The following SLC24A2 variants were observed in gnomAD, a reference collection of about 807,000 sequenced individuals.
The protein encoded by SLC24A2 is sodium/potassium/calcium exchanger 2.
Under a neutral mutation model 62.0 loss-of-function variants are expected in SLC24A2, and 36 were observed. That is an observed-to-expected ratio of 0.58 (90% CI 0.44 to 0.77). The LOEUF is 0.77. Ranked by LOEUF, SLC24A2 falls within the 30% of genes least tolerant of loss-of-function variation. The pLI, the probability that SLC24A2 is intolerant of heterozygous loss-of-function variation, is 0.00. For synonymous variants in SLC24A2, 358 were observed against 294.0 expected (o/e 1.22, Z -2.23); for missense variants, 846 against 817.9 (o/e 1.03, Z -0.42).
At chr9:20,256,934 AC>A in the SLC24A2 span, among the ~76,000 whole-genome samples, 1 of 151,996 alleles carries the variant, frequency 6.6e-6, no homozygotes, top group Non-Finnish European at 1.5e-5. Flanking sequence ...ACACACACAC[AC>A]ACACACACAC....
At chr9:19,557,776 C>T (rs1835169819) in intron 7 of SLC24A2, among the ~76,000 whole-genome samples, 1 of 151,038 alleles carries the variant, frequency 6.6e-6, no homozygotes, top group Admixed American at 6.6e-5. Context: ...TTTCTTGAGC[C>T]TAAAACTAAT....
the SLC24A2 span, among the ~76,000 whole-genome samples, chr9:19,831,682 A>G: frequency 4.5e-4 from 69 of 152,340 alleles, no homozygotes; most frequent in Admixed American, 1.4e-3. Flanking sequence ...TCAGTGATTC[A>G]GAGACAAAGA....
At chr9:19,722,418 CAAAT>C (rs1181768411) in intron 2 of SLC24A2, among the ~76,000 whole-genome samples, 1 of 151,928 alleles carries the variant, frequency 6.6e-6, no homozygotes, top group Non-Finnish European at 1.5e-5. Context: ...TATATAATAA[CAAAT>C]AAAAATCCTG....
At chr9:19,671,659 T>G (rs923014685) in intron 2 of SLC24A2, among the ~76,000 whole-genome samples, 1 of 152,186 alleles carries the variant, frequency 6.6e-6, no homozygotes, top group South Asian at 2.1e-4. Context: ...GCTTTCAACT[T>G]TTCCTCTTTC....
the SLC24A2 span, among the ~76,000 whole-genome samples, chr9:20,192,266 G>A: frequency 6.6e-6 from 1 of 152,144 alleles, no homozygotes; most frequent in Non-Finnish European, 1.5e-5. Context: ...GATGAAGTGG[G>A]TGAGAAGGCC....
the SLC24A2 span, among the ~76,000 whole-genome samples, chr9:20,181,471 A>G: frequency 6.6e-6 from 1 of 152,200 alleles, no homozygotes; most frequent in African/African-American, 2.4e-5. Flanking sequence ...GAGGCCTCAT[A>G]AATAACACCA....
At chr9:19,986,703 T>C in the SLC24A2 span, among the ~76,000 whole-genome samples, 3 of 152,250 alleles carry the variant, frequency 2.0e-5, no homozygotes, top group African/African-American at 4.8e-5. Context: ...AGATTACATA[T>C]TGTATGATTC....
At chr9:19,566,207 ATCTAC>A (rs1243543901) in intron 7 of SLC24A2, among the ~76,000 whole-genome samples, 2 of 150,882 alleles carry the variant, frequency 1.3e-5, no homozygotes, top group African/African-American at 4.8e-5. Flanking sequence ...AATTTTTGCA[ATCTAC>A]TCATCTGACA....
chr9:19,561,436 C>CTTTTTT (rs10641024), intron 7 of SLC24A2, among the ~76,000 whole-genome samples: 18 of 138,196 alleles, frequency 1.3e-4, no homozygotes, highest in Middle Eastern at 4.0e-3. Flanking sequence ...GGAAAACAGA[C>CTTTTTT]TTTTTTTTTT....
At chr9:19,596,612 G>A (rs952441514) in intron 5 of SLC24A2, among the ~76,000 whole-genome samples, 2 of 152,120 alleles carry the variant, frequency 1.3e-5, no homozygotes, top group Non-Finnish European at 2.9e-5. Flanking sequence ...AGAGAAAATG[G>A]TTAAAATGAT....
the SLC24A2 span, among the ~76,000 whole-genome samples, chr9:19,801,719 G>C: frequency 6.6e-6 from 1 of 152,164 alleles, no homozygotes; most frequent in South Asian, 2.1e-4. Context: ...TGTGAGCTAA[G>C]TTGCAAGCCC....
chr9:19,856,568 G>C, the SLC24A2 span, among the ~76,000 whole-genome samples: 1 of 152,066 alleles, frequency 6.6e-6, no homozygotes, highest in Non-Finnish European at 1.5e-5. Flanking sequence ...GGTTTTCTGA[G>C]GGTCCACTCC....
chr9:20,305,396 C>T, the SLC24A2 span, among the ~76,000 whole-genome samples: 3 of 152,058 alleles, frequency 2.0e-5, no homozygotes, highest in African/African-American at 4.8e-5. Flanking sequence ...TGAGCCACCG[C>T]GCCCAGCCGA....
intron 2 of SLC24A2, among the ~76,000 whole-genome samples, chr9:19,627,261 T>C (rs1818057487): frequency 6.6e-6 from 1 of 152,218 alleles, no homozygotes; most frequent in African/African-American, 2.4e-5. Context: ...AAAGCTCACA[T>C]TTTGGAAGCA....
At chr9:19,955,576 G>T in the SLC24A2 span, among the ~76,000 whole-genome samples, 1 of 151,992 alleles carries the variant, frequency 6.6e-6, no homozygotes, top group Non-Finnish European at 1.5e-5. Context: ...GGTATTTGAG[G>T]CAGTGTTCAA....
the SLC24A2 span, among the ~76,000 whole-genome samples, chr9:20,022,682 T>C: frequency 0.29 from 43,586 of 152,070 alleles, 7,397 homozygotes; most frequent in East Asian, 0.65. Flanking sequence ...TCTGGGTCCT[T>C]AGTGCAAGAA....
At chr9:19,950,273 T>C in the SLC24A2 span, among the ~76,000 whole-genome samples, 1 of 152,300 alleles carries the variant, frequency 6.6e-6, no homozygotes, top group Middle Eastern at 3.4e-3. Context: ...AAGCTATCAG[T>C]TGGTATAAAG....
chr9:19,973,852 G>A, the SLC24A2 span, among the ~76,000 whole-genome samples: 6 of 152,032 alleles, frequency 3.9e-5, no homozygotes, highest in Non-Finnish European at 7.4e-5. Context: ...TTTGAAGTAC[G>A]GGATAAAACA....
intron 8 of SLC24A2, among the ~76,000 whole-genome samples, chr9:19,548,861 C>G (rs1834707099): frequency 6.6e-6 from 1 of 152,190 alleles, no homozygotes; most frequent in Admixed American, 6.5e-5. Context: ...TGTGCTGTTC[C>G]AAACAGAAAT....
Sources: allele counts gnomAD v4.1 joint callset (sites outside exome capture counted in the v4.1 genomes callset), GRCh38; gene constraint gnomAD v4.1.1; transcripts MANE v1.5; gene names NCBI Gene and HGNC (gene_info 2026-07-23, HGNC 2026-07-21).